ZNF837: variants seen among roughly 807,000 people sequenced by gnomAD.
ZNF837 encodes zinc finger protein 837.
For missense variants in ZNF837, 955 were observed against 801.7 expected (o/e 1.19, Z -2.31); for synonymous variants, 475 against 365.2 (o/e 1.30, Z -3.43).
intron 1 of ZNF837, among the ~76,000 whole-genome samples, chr19:58,373,666 T>C (rs2052219214): frequency 1.3e-5 from 2 of 152,168 alleles, no homozygotes. Flanking sequence ...TGGGGAATGA[T>C]ATGGGCACAT....
Position 58,367,768 on chromosome 19 carries a change from C to T in ZNF837, c.1565G>A (p.Arg522Gln), listed in dbSNP as rs1338647174. The change falls in exon 3 of 3, where the codon CGG becomes CAG. Residue 522 changes from arginine (R) to glutamine (Q), a missense_variant. Coordinates refer to ENST00000597582, the MANE Select transcript of ZNF837 (RefSeq NM_138466.2). ...CGCGGCGCGGCCCCCGTGCCGCTTC[C>T]GGTGCTCGTTGAGGTTGGAGCGTTG... Reference protein sequence around the residue: ...FSQRSNLNEHRKRHGGRAAP With the variant: ...FSQRSNLNEHQKRHGGRAAP 2.0e-6 allele frequency: 3 copies of T among 1,534,532 alleles called. No individual in the cohort carries two copies. Among genetic ancestry groups the T allele is most frequent in the Middle Eastern group, 1.7e-4 (1 of 5,770 alleles).
In ZNF837 at chr19:58,368,204, G is replaced by A. The variant is rs1331667946; in HGVS notation, c.1129C>T (p.His377Tyr). Residue 377 changes from histidine to tyrosine, a missense_variant, in exon 3 of 3, where the codon CAC becomes TAC. His to Tyr is a moderately conservative substitution (Grantham distance 83, BLOSUM62 2). Coordinates refer to ENST00000597582, the MANE Select transcript of ZNF837 (RefSeq NM_138466.2). The part of the protein sequence containing the change: ...DCAKAFGLFS[H>Y]LVEHRRVHTG... ...TGCACGCGCCGGTGCTCCACGAGGTGCGAGAACAGCCCGAAGGCCTTGGCG... is the reference window on the plus strand; with the variant it reads ...TGCACGCGCCGGTGCTCCACGAGGTACGAGAACAGCCCGAAGGCCTTGGCG... 1.3e-6 allele frequency: 2 copies of A among 1,554,776 alleles called. No individual in the cohort carries two copies. Among genetic ancestry groups the A allele is most frequent in the Non-Finnish European group, 1.7e-6 (2 of 1,153,662 alleles).
chr19:58,370,988 TC>T (rs2052196348), intron 1 of ZNF837, among the ~76,000 whole-genome samples: 3 of 151,318 alleles, frequency 2.0e-5, no homozygotes, highest in African/African-American at 7.3e-5. Context: ...ACGCCTGTAA[TC>T]CCAGCACTTT....
intron 1 of ZNF837, among the ~76,000 whole-genome samples, chr19:58,376,423 C>T (rs1343148088): frequency 3.4e-4 from 51 of 150,974 alleles, no homozygotes; most frequent in Admixed American, 6.6e-4. Flanking sequence ...GGTGTGGTGG[C>T]AGGCGCCTGT....
At position 58,367,810 on chromosome 19, in the gene ZNF837, C is replaced by G. The variant is rs764630158; in HGVS notation, c.1523G>C (p.Cys508Ser). Residue 508 changes from cysteine (C) to serine (S), a missense_variant, in exon 3 of 3, where the codon TGC becomes TCC. Cys to Ser is a moderately radical substitution (Grantham distance 112, BLOSUM62 -1). Transcript: ENST00000597582. ...TGERPYACGD[C>S]GRAFSQRSNL... ...GGAGCGTTGGCTGAAGGCGCGGCCGCAATCTCCGCACGCGTAGGGCCGCTC... is the reference window on the plus strand; with the variant it reads ...GGAGCGTTGGCTGAAGGCGCGGCCGGAATCTCCGCACGCGTAGGGCCGCTC... 50 of 1,536,448 alleles carry G rather than the reference C, an allele frequency of 3.3e-5. No individual in the cohort carries two copies. The highest frequency in any genetic ancestry group is 4.2e-5 in the Non-Finnish European group (48 of 1,145,784).
At chr19:58,376,318 C>T (rs1002673769) in intron 1 of ZNF837, among the ~76,000 whole-genome samples, 59 of 151,830 alleles carry the variant, frequency 3.9e-4, no homozygotes, top group African/African-American at 1.3e-3. Flanking sequence ...TTTGGGAGGC[C>T]GAGGCGGGCG....
In ZNF837 at chr19:58,368,939, A is replaced by T. The variant is rs1426087398; in HGVS notation, c.394T>A (p.Trp132Arg). ...GDCSRNSCLA[W>R]HRGAPAGETP... ...TCCCCAGCGGGCGCCCCGCGATGCC[A>T]CGCCAGGCAGGAGTTCCTGCTGCAG... The change falls in exon 3 of 3, where the codon TGG becomes AGG. Residue 132 changes from tryptophan (W) to arginine (R), a missense_variant. Physicochemically the swap from Trp to Arg is moderately radical, Grantham distance 101. Transcript: ENST00000597582. The T allele has an allele frequency of 6.5e-7, 1 of 1,544,434 alleles. No homozygotes were observed. Among genetic ancestry groups the T allele is most frequent in the Admixed American group, 2.0e-5 (1 of 50,726 alleles).
chr19:58,368,866 G>C lies in ZNF837; in HGVS notation c.467C>G (p.Pro156Arg), dbSNP rs1197314033. 6.2e-5 allele frequency: 96 copies of C among 1,547,524 alleles called. No individual in the cohort carries two copies. Among genetic ancestry groups the C allele is most frequent in the Non-Finnish European group, 8.3e-5 (95 of 1,146,694 alleles). Residue 156 changes from proline (P) to arginine (R), a missense_variant, in exon 3 of 3, where the codon CCC becomes CGC. By Grantham distance (103) the Pro-to-Arg change is moderately radical. Transcript: ENST00000597582. ...GTGGACCTCACACAGTTGAGTCCGG[G>C]GGTGGTTCTGGATCCGCTCCGGACA... Reference protein sequence around the residue: ...DPCPERIQNHPRTQLCEVHTD... With the variant: ...DPCPERIQNHRRTQLCEVHTD...
intron 1 of ZNF837, among the ~76,000 whole-genome samples, chr19:58,371,499 C>A (rs2052201902): frequency 6.6e-6 from 1 of 152,104 alleles, no homozygotes; most frequent in Admixed American, 6.6e-5. Flanking sequence ...TCCTCCTGTC[C>A]CCTCCCTAGA....
chr19:58,368,957 T>C lies in ZNF837; in HGVS notation c.376A>G (p.Arg126Gly). The C allele has an allele frequency of 6.5e-7, 1 of 1,540,884 alleles. No homozygotes were observed. Among genetic ancestry groups the C allele is most frequent in the Non-Finnish European group, 8.8e-7 (1 of 1,140,778 alleles). Residue 126 changes from arginine to glycine, a missense_variant, in exon 3 of 3, where the codon AGG becomes GGG. Arg to Gly is a moderately radical substitution (Grantham distance 125). Coordinates refer to ENST00000597582, the MANE Select transcript of ZNF837 (RefSeq NM_138466.2). Reference protein sequence around the residue: ...RSPARGGDCSRNSCLAWHRGA... With the variant: ...RSPARGGDCSGNSCLAWHRGA... ...CGATGCCACGCCAGGCAGGAGTTCC[T>C]GCTGCAGTCCCCGCCACGCGCTGGG...
intron 1 of ZNF837, among the ~76,000 whole-genome samples, chr19:58,377,448 C>T (rs566430886): frequency 6.6e-6 from 1 of 151,640 alleles, no homozygotes; most frequent in Non-Finnish European, 1.5e-5. Flanking sequence ...CCACTGCACT[C>T]CAGCCTGGGT....
intron 1 of ZNF837, among the ~76,000 whole-genome samples, chr19:58,378,724 T>G (rs1177945213): frequency 6.6e-6 from 1 of 152,210 alleles, no homozygotes; most frequent in African/African-American, 2.4e-5. Context: ...GCAGACATAA[T>G]TAAGGATCTT....
At position 58,367,750 on chromosome 19, in the gene ZNF837, C is replaced by G; in HGVS notation, c.1583G>C (p.Arg528Pro). The part of the protein sequence containing the change: ...LNEHRKRHGG[R>P]AAP ...GGCTCCCTGCAGTCAAGGCGCGGCG[C>G]GGCCCCCGTGCCGCTTCCGGTGCTC... The change falls in exon 3 of 3, where the codon CGC becomes CCC. Residue 528 changes from arginine to proline, a missense_variant. Physicochemically the swap from Arg to Pro is moderately radical, Grantham distance 103. Coordinates refer to ENST00000597582, the MANE Select transcript of ZNF837 (RefSeq NM_138466.2). 6.5e-7 allele frequency: 1 copy of G among 1,526,802 alleles called. No individual in the cohort carries two copies. Among genetic ancestry groups the G allele is most frequent in the East Asian group, 2.5e-5 (1 of 40,696 alleles). 94.6% of individuals were successfully genotyped at this position (1,526,802 alleles called of 1,614,324 possible).
intron 1 of ZNF837, among the ~76,000 whole-genome samples, chr19:58,375,178 C>A (rs2052231193): frequency 7.0e-6 from 1 of 143,624 alleles, no homozygotes; most frequent in Non-Finnish European, 1.5e-5. Flanking sequence ...ATTGCTTGAA[C>A]CTGGGAGGAG....
chr19:58,377,341 C>T (rs1382840000), intron 1 of ZNF837, among the ~76,000 whole-genome samples: 1 of 151,548 alleles, frequency 6.6e-6, no homozygotes, highest in Non-Finnish European at 1.5e-5. Context: ...CCCGTCTCTA[C>T]TAAAAAATAG....
intron 1 of ZNF837, among the ~76,000 whole-genome samples, chr19:58,376,554 C>CAAAAAAAAAAAAAA (rs59075587): frequency 7.4e-5 from 5 of 67,794 alleles, no homozygotes; most frequent in African/African-American, 2.6e-4. Flanking sequence ...GACTCTGTCT[C>CAAAAAAAAAAAAAA]AAAAAAAAAA....
chr19:58,368,414 C>T lies in ZNF837; in HGVS notation c.919G>A (p.Ala307Thr). 1 of 1,547,162 alleles carries T rather than the reference C, an allele frequency of 6.5e-7. No homozygotes were observed. The highest frequency in any genetic ancestry group is 8.7e-7 in the Non-Finnish European group (1 of 1,148,770). Reference protein sequence around the residue: ...RPYECAECGKAFVRCSGLYRH... With the variant: ...RPYECAECGKTFVRCSGLYRH... ...TACAGGCCGGAGCAGCGCACGAAGG[C>T]CTTGCCGCACTCGGCGCACTCGTAG... Residue 307 changes from alanine (A) to threonine (T), a missense_variant, in exon 3 of 3, where the codon GCC (alanine) becomes ACC (threonine). Physicochemically the swap from Ala to Thr is moderately conservative, Grantham distance 58. Coordinates refer to ENST00000597582, the MANE Select transcript of ZNF837 (RefSeq NM_138466.2).
In ZNF837 at chr19:58,368,749, TCCA is replaced by T. The variant is rs1568565319; in HGVS notation, c.581_583del (p.Val194del). On this transcript the variant is annotated inframe_deletion, in exon 3 of 3. Coordinates refer to ENST00000597582, the MANE Select transcript of ZNF837 (RefSeq NM_138466.2). ...GCCGCACGCGCAAGCCCGGGGCTGC[TCCA>T]CCAAGGGGTTCCTCCCGCGGGAGGT... 6.5e-7 allele frequency: 1 copy of T among 1,539,648 alleles called. No homozygotes were observed. The highest frequency in any genetic ancestry group is 8.7e-7 in the Non-Finnish European group (1 of 1,146,584).
intron 1 of ZNF837, among the ~76,000 whole-genome samples, chr19:58,375,226 A>T (rs866996780): frequency 2.3e-5 from 3 of 128,270 alleles, no homozygotes; most frequent in Non-Finnish European, 4.8e-5. Flanking sequence ...ACTGTACTCC[A>T]GCCTGGGCAA....
Sources: allele counts gnomAD v4.1 joint callset (sites outside exome capture counted in the v4.1 genomes callset), GRCh38; gene constraint gnomAD v4.1.1; transcripts MANE v1.5; gene names NCBI Gene and HGNC (gene_info 2026-07-23, HGNC 2026-07-21).